Variants in NBPF3 observed in about 807,000 individuals in gnomAD.
The protein encoded by NBPF3 is NBPF member 3, also known as NBPF family member NBPF3.
Under a neutral mutation model 78.1 loss-of-function variants are expected in NBPF3, and 57 were observed. That is an observed-to-expected ratio of 0.73 (90% CI 0.59 to 0.91). The LOEUF (loss-of-function observed/expected upper bound fraction) is 0.91, where lower values mean the gene tolerates loss of function less well. Among genes scored for constraint, NBPF3 ranks in the 40% least tolerant of loss-of-function variants. The probability of loss-of-function intolerance (pLI) is 0.00; values close to 1 mark genes in which losing one functional copy is unlikely to be tolerated. For synonymous variants in NBPF3, 182 were observed against 271.7 expected (o/e 0.67, Z 3.25); for missense variants, 510 against 715.3 (o/e 0.71, Z 3.27).
intron 2 of NBPF3, chr1:21,446,603 CCTTT>C (rs529816491): frequency 5.0e-4 from 66 of 131,126 alleles, no homozygotes; most frequent in African/African-American, 1.9e-3. Flanking sequence ...TTCCTTTCTT[CCTTT>C]CTTCTTTTCC....
intron 2 of NBPF3, among the ~76,000 whole-genome samples, chr1:21,465,064 T>TGCTG (rs1642184915): frequency 6.7e-6 from 1 of 149,088 alleles, no homozygotes; most frequent in Admixed American, 6.7e-5. Context: ...CAAAATATGA[T>TGCTG]GCTGGCTGCA....
intron 2 of NBPF3, among the ~76,000 whole-genome samples, chr1:21,457,282 A>G (rs867144934): frequency 9.9e-5 from 15 of 151,520 alleles, no homozygotes; most frequent in African/African-American, 2.7e-4. Flanking sequence ...AGAGAACATA[A>G]AAAGAAACCA....
intron 1 of NBPF3, among the ~76,000 whole-genome samples, chr1:21,443,354 T>G (rs1640772350): frequency 6.6e-6 from 1 of 152,180 alleles, no homozygotes; most frequent in Non-Finnish European, 1.5e-5. Flanking sequence ...TTGCTAGAGG[T>G]TCACTGTGAC....
At chr1:21,449,458 C>CTTTATTTATTTATTTATTTATTTA (rs57877174) in intron 2 of NBPF3, among the ~76,000 whole-genome samples, 1 of 150,422 alleles carries the variant, frequency 6.6e-6, no homozygotes, top group African/African-American at 2.5e-5. Flanking sequence ...AACGAACCAT[C>CTTTATTTATTTATTTATTTATTTA]TTTATTTATT....
intron 5 of NBPF3, among the ~76,000 whole-genome samples, chr1:21,472,122 C>T (rs892080465): frequency 1.8e-4 from 27 of 152,284 alleles, no homozygotes; most frequent in African/African-American, 5.8e-4. Flanking sequence ...AAGGCAGGTT[C>T]CCAGGCTGTC....
At position 21,468,837 on chromosome 1, in the gene NBPF3, A is replaced by G. The variant is rs147375740; in HGVS notation, c.283A>G (p.Lys95Glu). ...AENKQQFRNLKQKCLVTQVAY... is the reference protein window; with the variant it reads ...AENKQQFRNLEQKCLVTQVAY... ...GAACAAACAGCAGTTCAGAAACCTC[A>G]AACAGAAATGTCTTGTAACTCAAGT... The change falls in exon 3 of 15, where the codon AAA becomes GAA. Residue 95 changes from lysine (K) to glutamate (E), a missense_variant. Around this residue, in one of 5 missense-constraint regions of NBPF3, gnomAD observed 440 missense variants for 478.2 expected, o/e 0.92. Coordinates refer to ENST00000318249, the MANE Select transcript of NBPF3 (RefSeq NM_032264.6). 9.9e-6 allele frequency: 16 copies of G among 1,614,090 alleles called. No homozygotes were observed. The African/African-American group carries it at 1.9e-4, about 19-fold the overall frequency.
chr1:21,471,385 C>G (rs1227271140), intron 4 of NBPF3, among the ~76,000 whole-genome samples, 184 bp from the exon 5 acceptor site: 1 of 152,186 alleles, frequency 6.6e-6, no homozygotes, highest in Non-Finnish European at 1.5e-5. Flanking sequence ...CTCTCTCATA[C>G]AGAGGAAGCC....
chr1:21,473,544 C>G lies in NBPF3; in HGVS notation c.899C>G (p.Ser300Cys). 6.2e-7 allele frequency: 1 copy of G among 1,614,214 alleles called. No individual in the cohort carries two copies. Among genetic ancestry groups the G allele is most frequent in the Non-Finnish European group, 8.5e-7 (1 of 1,180,030 alleles). Residue 300 changes from serine to cysteine, a missense_variant, in exon 7 of 15, where the codon TCC (serine) becomes TGC (cysteine). Transcript: ENST00000318249. The part of the protein sequence containing the change: ...DQVDSTLIDS[S>C]SHDEWLDAVC... Reference sequence around the variant, plus strand: ...GTCGACTCAACTCTCATTGACTCATCCTCTCATGATGAATGGTTGGATGCT... The same window carrying G: ...GTCGACTCAACTCTCATTGACTCATGCTCTCATGATGAATGGTTGGATGCT...
rs528164142 is a variant in NBPF3, at chr1:21,468,401, A to G, written c.134-287A>G. On this transcript the variant is annotated intron_variant, in intron 2 of 14. Transcript: ENST00000318249. Reference sequence around the variant, plus strand: ...TGGAATGCAGGGCTCCTAAGATTCCATGACACCCCCACCTTCTAATTCTGT... The same window carrying G: ...TGGAATGCAGGGCTCCTAAGATTCCGTGACACCCCCACCTTCTAATTCTGT... The G allele has an allele frequency of 3.6e-5, 47 of 1,319,688 alleles. No homozygotes were observed. In the African/African-American group the frequency reaches 5.5e-4, roughly 15 times the overall value. The allele number at this position is 1,319,688 out of a possible 1,614,324, so 81.7% of individuals were successfully genotyped here. A position where few individuals can be genotyped will look rare whatever the true frequency, so the allele number is the denominator to read the frequency against.
intron 10 of NBPF3, among the ~76,000 whole-genome samples, chr1:21,479,816 C>CTGTGTGTGTGTG (rs1476158141): frequency 2.2e-3 from 99 of 45,698 alleles, no homozygotes; most frequent in African/African-American, 4.2e-3. Flanking sequence ...CTCTCTCTCT[C>CTGTGTGTGTGTG]TCTCTGTGTG....
intron 2 of NBPF3, among the ~76,000 whole-genome samples, chr1:21,451,538 A>G (rs1349766261): frequency 1.3e-5 from 2 of 152,226 alleles, no homozygotes; most frequent in Non-Finnish European, 2.9e-5. Flanking sequence ...CTTCAGGGAC[A>G]TGAACATGGG....
At chr1:21,468,962 T>A in intron 3 of NBPF3, 65 bp downstream of exon 3, 1 of 1,246,408 alleles carries the variant, frequency 8.0e-7, no homozygotes, top group Non-Finnish European at 1.2e-6. Context: ...GCTGAGAAAC[T>A]AAATGCTCTC....
chr1:21,448,214 A>G (rs906388915), intron 2 of NBPF3, among the ~76,000 whole-genome samples: 1 of 152,140 alleles, frequency 6.6e-6, no homozygotes, highest in African/African-American at 2.4e-5. Context: ...ATCCAACCCA[A>G]GATCCCCAAG....
At chr1:21,446,592 TTTCCTTTC>T (rs1219746730) in intron 2 of NBPF3, 1 of 127,924 alleles carries the variant, frequency 7.8e-6, no homozygotes, top group African/African-American at 2.9e-5. Context: ...CCCTCCCTTC[TTTCCTTTC>T]TTCCTTTCTT....
intron 2 of NBPF3, among the ~76,000 whole-genome samples, chr1:21,457,219 T>A (rs2147938245): frequency 6.6e-6 from 1 of 151,946 alleles, no homozygotes; most frequent in Non-Finnish European, 1.5e-5. Flanking sequence ...TGTGGGTGTG[T>A]ATATTCACCT....
At chr1:21,449,943 G>T (rs552641247) in intron 2 of NBPF3, 15 of 293,922 alleles carry the variant, frequency 5.1e-5, no homozygotes, top group African/African-American at 1.4e-4. Flanking sequence ...ATTGATTGAT[G>T]GATTGATTGA....
intron 2 of NBPF3, among the ~76,000 whole-genome samples, chr1:21,452,832 G>C (rs1346390151): frequency 3.3e-5 from 5 of 152,332 alleles, no homozygotes; most frequent in African/African-American, 1.2e-4. Context: ...AATCGAGCAA[G>C]GCTGTGCCAG....
chr1:21,452,454 T>G (rs1641364776), intron 2 of NBPF3, among the ~76,000 whole-genome samples: 1 of 152,206 alleles, frequency 6.6e-6, no homozygotes, highest in African/African-American at 2.4e-5. Context: ...AGAGGAACAT[T>G]TGGAGGTAAT....
intron 2 of NBPF3, among the ~76,000 whole-genome samples, chr1:21,455,143 T>C (rs1297712134): frequency 1.3e-5 from 2 of 152,236 alleles, no homozygotes; most frequent in African/African-American, 4.8e-5. Flanking sequence ...GAAACCCTCC[T>C]GCACTTCACA....
Sources: gnomAD v4.1 joint callset for allele counts (sites outside exome capture counted in the v4.1 genomes callset) on GRCh38, gnomAD v4.1.1 for gene constraint, gnomAD v4.1.1 regional missense constraint, MANE v1.5 for transcripts, NCBI Gene and HGNC (gene_info 2026-07-23, HGNC 2026-07-21) for gene names.